Variants in ULK4 observed in about 807,000 individuals in gnomAD.
The protein encoded by ULK4 is inactive serine/threonine-protein kinase ULK4.
In ULK4, 133 loss-of-function variants were observed where a neutral mutation model predicts 160.6. The observed-to-expected ratio is 0.83, with a 90% CI of 0.72 to 0.96. The LOEUF (loss-of-function observed/expected upper bound fraction) is 0.96, where lower values mean the gene tolerates loss of function less well. ULK4 is among the 40% of genes least tolerant of loss of function. The pLI is 0.00. For synonymous variants in ULK4, 534 were observed against 539.8 expected, an observed-to-expected ratio of 0.99 and a Z score of 0.15; for missense variants, 1,580 against 1,499.5, an observed-to-expected ratio of 1.05 and a Z score of -0.89.
intron 32 of ULK4, among the ~76,000 whole-genome samples, chr3:41,512,621 T>C (rs963542709): frequency 7.2e-5 from 11 of 152,148 alleles, no homozygotes; most frequent in African/African-American, 1.9e-4. Flanking sequence ...AAAGAAATAA[T>C]AGACAACACA....
chr3:41,916,158 T>G, intron 7 of ULK4, 106 bp from the exon 8 acceptor site: 1 of 670,596 alleles, frequency 1.5e-6, no homozygotes, highest in Non-Finnish European at 2.4e-6. Context: ...TTTAAACACA[T>G]ACATTATTAT....
At position 41,734,880 on chromosome 3, in the gene ULK4, C is replaced by T. The variant is rs75959027; in HGVS notation, c.2322-17019G>A. 5.7e-3 allele frequency among the ~76,000 whole-genome samples: 865 copies of T among 152,230 alleles called. 9 individuals are homozygous for T. The highest frequency in any genetic ancestry group is 0.02 in the African/African-American group (832 of 41,514). ...AATGGATTGACAGAGGGCCCAAGAA[C>T]ACAAAAAGGAAAACGCTGACCAGTG... On this transcript the variant is annotated intron_variant, in intron 22 of 36. Transcript: ENST00000301831.
intron 30 of ULK4, among the ~76,000 whole-genome samples, chr3:41,616,669 A>G (rs1182999270): frequency 6.6e-6 from 1 of 152,096 alleles, no homozygotes; most frequent in African/African-American, 2.4e-5. Flanking sequence ...CTATGCCACC[A>G]AGGTCCTGGG....
At chr3:41,629,384 C>T (rs75934639) in intron 30 of ULK4, among the ~76,000 whole-genome samples, 6,410 of 152,204 alleles carry the variant, frequency 0.042, 168 homozygotes, top group African/African-American at 0.058. Context: ...CTCCATGCAG[C>T]TTGGCCTCTC....
At chr3:41,256,715 A>T (rs1054132034) in intron 35 of ULK4, among the ~76,000 whole-genome samples, 1 of 152,238 alleles carries the variant, frequency 6.6e-6, no homozygotes, top group Non-Finnish European at 1.5e-5. Flanking sequence ...CCTTAAAAAA[A>T]TTATAAATTG....
chr3:41,347,708 G>A (rs529167458), intron 35 of ULK4, among the ~76,000 whole-genome samples: 1 of 152,056 alleles, frequency 6.6e-6, no homozygotes, highest in Non-Finnish European at 1.5e-5. Context: ...ACTCGCCATA[G>A]TGTCTCCAGA....
At chr3:41,922,825 T>A (rs1235905336) in intron 5 of ULK4, among the ~76,000 whole-genome samples, 1 of 152,130 alleles carries the variant, frequency 6.6e-6, no homozygotes, top group Admixed American at 6.6e-5. Context: ...GATGAAAGCA[T>A]CCTTAGATAG....
In ULK4 at chr3:41,500,741, C is replaced by A. The variant is rs77918743; in HGVS notation, c.3227-37488G>T. Among the ~76,000 whole-genome samples the A allele has an allele frequency of 2.7e-3, 417 of 152,264 alleles. 4 individuals carry two copies. The highest frequency in any genetic ancestry group is 3.7e-3 in the Non-Finnish European group (255 of 68,014). ...ATTTGGAGATTACAGTTGAACCCTG[C>A]AATCTCCAAACCCTGGAACTCGGGG... On this transcript the variant is annotated intron_variant, in intron 32 of 36. Coordinates refer to ENST00000301831, the MANE Select transcript of ULK4 (RefSeq NM_017886.4).
chr3:41,687,954 C>T (rs1263600021), intron 27 of ULK4: 2 of 152,202 alleles, frequency 1.3e-5, no homozygotes, highest in African/African-American at 4.8e-5. Flanking sequence ...ACTCTCAACC[C>T]GAAGCTAAGT....
chr3:41,871,315 G>A (rs1697082857), intron 17 of ULK4, among the ~76,000 whole-genome samples: 1 of 152,082 alleles, frequency 6.6e-6, no homozygotes, highest in Admixed American at 6.5e-5. Flanking sequence ...AGTATTCTAA[G>A]TATGAACATA....
intron 35 of ULK4, among the ~76,000 whole-genome samples, chr3:41,390,117 G>A (rs570619249): frequency 6.6e-6 from 1 of 152,106 alleles, no homozygotes; most frequent in Non-Finnish European, 1.5e-5. Context: ...TATGTGTCGA[G>A]GAATTCATCC....
intron 29 of ULK4, among the ~76,000 whole-genome samples, chr3:41,666,615 C>T (rs2035358768): frequency 6.6e-6 from 1 of 152,120 alleles, no homozygotes; most frequent in South Asian, 2.1e-4. Context: ...CCCTGGATAA[C>T]CAGCTCTCCT....
chr3:41,728,251 C>T (rs897420714), intron 22 of ULK4, among the ~76,000 whole-genome samples: 1 of 152,114 alleles, frequency 6.6e-6, no homozygotes, highest in Non-Finnish European at 1.5e-5. Flanking sequence ...ATAAAGAAAA[C>T]AATGTGTATT....
intron 35 of ULK4, among the ~76,000 whole-genome samples, chr3:41,313,871 T>A (rs2125722973): frequency 6.6e-6 from 1 of 152,332 alleles, no homozygotes; most frequent in Admixed American, 6.5e-5. Context: ...GTCAAGTGAC[T>A]TCTGAAGCTA....
chr3:41,306,128 T>TG (rs1181225910), intron 35 of ULK4, among the ~76,000 whole-genome samples: 1,925 of 61,026 alleles, frequency 0.032, 48 homozygotes, highest in Middle Eastern at 0.12. Flanking sequence ...GGGAGGGAGG[T>TG]GGGGGGGGGG....
chr3:41,347,179 G>A (rs138111547), intron 35 of ULK4, among the ~76,000 whole-genome samples: 3 of 152,274 alleles, frequency 2.0e-5, no homozygotes, highest in East Asian at 3.9e-4. Context: ...GAGTTCAAAG[G>A]CGCATTGCAG....
At chr3:41,716,203 AC>A (rs59094762) in intron 23 of ULK4, among the ~76,000 whole-genome samples, 1,568 of 134,850 alleles carry the variant, frequency 0.012, 25 homozygotes, top group African/African-American at 0.039. Context: ...ACAGAGCAAG[AC>A]TCTGTCTCAC....
chr3:41,892,764 C>T (rs1383553964), intron 16 of ULK4, among the ~76,000 whole-genome samples: 1 of 152,208 alleles, frequency 6.6e-6, no homozygotes, highest in Non-Finnish European at 1.5e-5. Context: ...ATATCTGGAC[C>T]ATAAGACACC....
chr3:41,821,038 T>G (rs1000788064), intron 18 of ULK4, among the ~76,000 whole-genome samples: 1 of 152,192 alleles, frequency 6.6e-6, no homozygotes, highest in Admixed American at 6.5e-5. Context: ...ACCCTTAACA[T>G]CAGTGGACTC....
Sources: allele counts gnomAD v4.1 joint callset (sites outside exome capture counted in the v4.1 genomes callset), GRCh38; gene constraint gnomAD v4.1.1; transcripts MANE v1.5; gene names NCBI Gene and HGNC (gene_info 2026-07-23, HGNC 2026-07-21).